The following GFOD1 variants were observed in gnomAD, a reference collection of about 807,000 sequenced individuals.
The protein encoded by GFOD1 is Gfo/Idh/MocA-like oxidoreductase domain containing 1.
GFOD1 carries 9 observed loss-of-function variants against 25.4 expected under a neutral mutation model. That is an observed-to-expected ratio of 0.35 (90% CI 0.21 to 0.62). GFOD1 has a LOEUF of 0.62. Among genes scored for constraint, GFOD1 ranks in the 20% least tolerant of loss-of-function variants. The pLI is 0.72. For synonymous variants in GFOD1, 253 were observed against 245.6 expected (o/e 1.03, Z -0.28); for missense variants, 403 against 556.9 (o/e 0.72, Z 2.78).
chr6:13,443,843 C>T (rs1487704718), intron 1 of GFOD1, among the ~76,000 whole-genome samples: 1 of 134,446 alleles, frequency 7.4e-6, no homozygotes, highest in Non-Finnish European at 1.5e-5. Flanking sequence ...AAAAAATCAT[C>T]ACAGCTACCC....
At chr6:13,371,788 C>T (rs965727394) in intron 1 of GFOD1, among the ~76,000 whole-genome samples, 1 of 152,286 alleles carries the variant, frequency 6.6e-6, no homozygotes, top group South Asian at 2.1e-4. Context: ...GGTCACTCTG[C>T]TGCATCCATC....
chr6:13,486,599 CG>C, intron 1 of GFOD1, 38 bp downstream of exon 1: 4 of 1,209,374 alleles, frequency 3.3e-6, no homozygotes, highest in Non-Finnish European at 4.5e-6. Context: ...GGTTAAAGGG[CG>C]GGGGTGGGAC....
chr6:13,450,482 G>A (rs888194821), intron 1 of GFOD1, among the ~76,000 whole-genome samples: 2 of 152,176 alleles, frequency 1.3e-5, no homozygotes, highest in East Asian at 3.9e-4. Flanking sequence ...CAGTGAAAGA[G>A]GATGAAGCAC....
At chr6:13,483,648 G>A (rs1758804440) in intron 1 of GFOD1, among the ~76,000 whole-genome samples, 1 of 152,158 alleles carries the variant, frequency 6.6e-6, no homozygotes, top group South Asian at 2.1e-4. Flanking sequence ...GTTTCAGATG[G>A]CATCAAACAG....
chr6:13,475,298 G>T (rs1758593781), intron 1 of GFOD1, among the ~76,000 whole-genome samples: 1 of 152,212 alleles, frequency 6.6e-6, no homozygotes, highest in Non-Finnish European at 1.5e-5. Flanking sequence ...ACAAGGCTGG[G>T]CATGGTGGCT....
rs375377847 is a variant in GFOD1, at chr6:13,358,328, A to G, written c.*6415T>C. The G allele has an allele frequency of 4.6e-5, 7 of 152,258 alleles. No individual in the cohort carries two copies. In the East Asian group the frequency reaches 9.6e-4, roughly 21 times the overall value. The allele number at this position is 152,258 out of a possible 1,614,324, so 9.4% of individuals were successfully genotyped here. On this transcript the variant is annotated 3_prime_UTR_variant, in exon 2 of 2. Coordinates refer to ENST00000379287, the MANE Select transcript of GFOD1 (RefSeq NM_018988.4). ...TATAAGTTTGGTTTTATACATATAC[A>G]TACATATATACTCATGTTTGTAAAA...
intron 1 of GFOD1, among the ~76,000 whole-genome samples, chr6:13,366,404 C>T (rs970682933): frequency 1.3e-5 from 2 of 152,120 alleles, no homozygotes; most frequent in South Asian, 2.1e-4. Flanking sequence ...GGCACCATCT[C>T]GGCTCACTGC....
intron 1 of GFOD1, among the ~76,000 whole-genome samples, chr6:13,371,907 G>A (rs1785162051): frequency 6.6e-6 from 1 of 152,224 alleles, no homozygotes. Flanking sequence ...ATCTGTCAAT[G>A]TGATGCAGTG....
At chr6:13,458,124 T>C (rs1037923611) in intron 1 of GFOD1, among the ~76,000 whole-genome samples, 4 of 152,124 alleles carry the variant, frequency 2.6e-5, no homozygotes, top group African/African-American at 9.7e-5. Flanking sequence ...GTTGTTGTTG[T>C]TGTTGTTGTT....
chr6:13,375,849 G>A (rs1302713922), intron 1 of GFOD1, among the ~76,000 whole-genome samples: 1 of 152,184 alleles, frequency 6.6e-6, no homozygotes, highest in African/African-American at 2.4e-5. Flanking sequence ...TATCACATGT[G>A]TAATGAGCAT....
intron 1 of GFOD1, among the ~76,000 whole-genome samples, chr6:13,376,699 G>A (rs944262663): frequency 2.0e-5 from 3 of 152,156 alleles, no homozygotes; most frequent in Admixed American, 6.5e-5. Context: ...CTAGAATGGC[G>A]GTCAGCCTGG....
chr6:13,463,046 G>C (rs985772566), intron 1 of GFOD1, among the ~76,000 whole-genome samples: 1 of 152,232 alleles, frequency 6.6e-6, no homozygotes, highest in Non-Finnish European at 1.5e-5. Flanking sequence ...AAATACAGGT[G>C]AGCAATTAAG....
Position 13,364,519 on chromosome 6 carries a change from C to T in GFOD1, c.*224G>A. On this transcript the variant is annotated 3_prime_UTR_variant, in exon 2 of 2. Coordinates refer to ENST00000379287, the MANE Select transcript of GFOD1 (RefSeq NM_018988.4). The surrounding 1 kb of genome is among the most constrained non-coding windows in gnomAD (Gnocchi z 4.1). Reference sequence around the variant, plus strand: ...CCAGCAGGGATCATCCCAGGAATGGCAGGCTCTCCTGAATGCTTCCAGGCT... The same window carrying T: ...CCAGCAGGGATCATCCCAGGAATGGTAGGCTCTCCTGAATGCTTCCAGGCT... The T allele has an allele frequency of 3.5e-6, 2 of 569,150 alleles. No homozygotes were observed. Among genetic ancestry groups the T allele is most frequent in the Non-Finnish European group, 6.3e-6 (2 of 319,116 alleles). The allele number at this position is 569,150 out of a possible 1,614,324, so 35.3% of individuals were successfully genotyped here.
rs1415938584 is a variant in GFOD1, at chr6:13,361,933, C to T, written c.*2810G>A. 2 of 152,032 alleles carry T rather than the reference C, an allele frequency of 1.3e-5. No homozygotes were observed. The highest frequency in any genetic ancestry group is 4.8e-5 in the African/African-American group (2 of 41,372). 9.4% of individuals were successfully genotyped at this position (152,032 alleles called of 1,614,324 possible). ...CTTTGTGGGGACCTCTCTCCAAAAC[C>T]CGAAGTTTTGGGAAAAGATTTCGCG... On this transcript the variant is annotated 3_prime_UTR_variant, in exon 2 of 2. Coordinates refer to ENST00000379287, the MANE Select transcript of GFOD1 (RefSeq NM_018988.4).
intron 1 of GFOD1, among the ~76,000 whole-genome samples, chr6:13,415,504 G>T (rs487847): frequency 6.6e-6 from 1 of 152,140 alleles, no homozygotes; most frequent in Non-Finnish European, 1.5e-5. Flanking sequence ...TACTGGGCAC[G>T]GTCCAGACCT....
intron 1 of GFOD1, among the ~76,000 whole-genome samples, chr6:13,457,712 C>G (rs544692956): frequency 2.6e-5 from 4 of 152,354 alleles, no homozygotes; most frequent in African/African-American, 9.6e-5. Flanking sequence ...TCATCCTTAA[C>G]GCAGTTCTAA....
At chr6:13,466,306 G>A (rs1233798088) in intron 1 of GFOD1, among the ~76,000 whole-genome samples, 1 of 152,244 alleles carries the variant, frequency 6.6e-6, no homozygotes, top group East Asian at 1.9e-4. Context: ...AAAGTAAACA[G>A]ATTTCTTTTC....
intron 1 of GFOD1, among the ~76,000 whole-genome samples, chr6:13,391,434 G>T (rs1025919962): frequency 4.7e-5 from 7 of 148,332 alleles, no homozygotes; most frequent in South Asian, 2.1e-4. Flanking sequence ...GGAGGTGAAG[G>T]TTGCAGTGAG....
At chr6:13,410,086 C>T (rs1033345970) in intron 1 of GFOD1, among the ~76,000 whole-genome samples, 2 of 133,650 alleles carry the variant, frequency 1.5e-5, no homozygotes, top group Non-Finnish European at 1.5e-5. Context: ...AAGCAGGTAA[C>T]ATAGGGAAAT....
Sources: gnomAD v4.1 joint callset for allele counts (sites outside exome capture counted in the v4.1 genomes callset) on GRCh38, gnomAD v4.1.1 for gene constraint, Gnocchi (gnomAD v3.1) non-coding constraint, MANE v1.5 for transcripts, NCBI Gene and HGNC (gene_info 2026-07-23, HGNC 2026-07-21) for gene names.